The following CTNND2 variants were observed in gnomAD, a reference collection of about 807,000 sequenced individuals.
The protein encoded by CTNND2 is catenin delta-2.
Under a neutral mutation model 144.4 loss-of-function variants are expected in CTNND2, and 22 were observed. The observed-to-expected ratio is 0.15, with a 90% CI of 0.11 to 0.22. The LOEUF (loss-of-function observed/expected upper bound fraction) is 0.22. CTNND2 is among the 10% of genes least tolerant of loss of function. The pLI, the probability that CTNND2 is intolerant of heterozygous loss-of-function variation, is 1.00. For missense variants in CTNND2, 1,353 were observed against 1,618.8 expected, an observed-to-expected ratio of 0.84 and a Z score of 2.82; for synonymous variants, 751 against 695.6, an observed-to-expected ratio of 1.08 and a Z score of -1.25.
At chr5:11,765,673 G>A (rs908278569) in intron 1 of CTNND2, among the ~76,000 whole-genome samples, 24 of 152,104 alleles carry the variant, frequency 1.6e-4, no homozygotes, top group Admixed American at 4.6e-4. Flanking sequence ...TCTTGGGGTC[G>A]TCTGTGTATG....
At chr5:11,427,291 T>G (rs1387807873) in intron 3 of CTNND2, among the ~76,000 whole-genome samples, 1 of 149,638 alleles carries the variant, frequency 6.7e-6, no homozygotes, top group African/African-American at 2.5e-5. Context: ...TTTTTTTTTT[T>G]TTTTGAGACA....
chr5:11,144,385 G>T (rs142401140), intron 12 of CTNND2, among the ~76,000 whole-genome samples: 182 of 152,296 alleles, frequency 1.2e-3, no homozygotes, highest in African/African-American at 4.2e-3. Context: ...GGGGAGCTCG[G>T]GAAGGTTTGG....
chr5:11,318,714 TC>T lies in CTNND2; in HGVS notation c.1628+27657del, dbSNP rs538083448. On this transcript the variant is annotated intron_variant, in intron 9 of 21. Coordinates refer to ENST00000304623, the MANE Select transcript of CTNND2 (RefSeq NM_001332.4). ...TCCATTCCTTTTCCCATAGGTAAGA[TC>T]CTTCCTTACAACGATGCCCTCTTTC... Among the ~76,000 whole-genome samples, 220 of 152,224 alleles carry T rather than the reference TC, an allele frequency of 1.4e-3. 2 individuals carry two copies. The highest frequency in any genetic ancestry group is 2.6e-3 in the Non-Finnish European group (180 of 68,020).
At chr5:11,130,239 G>A (rs886126565) in intron 12 of CTNND2, among the ~76,000 whole-genome samples, 5 of 151,344 alleles carry the variant, frequency 3.3e-5, no homozygotes, top group Admixed American at 6.6e-5. Flanking sequence ...CCAAAGCGGT[G>A]GTTGCTAGGT....
At chr5:11,069,288 C>T (rs1580194071) in intron 16 of CTNND2, among the ~76,000 whole-genome samples, 1 of 152,110 alleles carries the variant, frequency 6.6e-6, no homozygotes. Context: ...CAGATTAACA[C>T]AAAGAAGTGT....
intron 2 of CTNND2, among the ~76,000 whole-genome samples, chr5:11,637,328 A>G (rs1482265468): frequency 2.0e-5 from 3 of 152,204 alleles, no homozygotes; most frequent in African/African-American, 7.2e-5. Context: ...TGTCTTGCTA[A>G]GAGCTCCCTT....
intron 3 of CTNND2, among the ~76,000 whole-genome samples, chr5:11,564,372 G>C (rs1418855266): frequency 6.6e-6 from 1 of 152,084 alleles, no homozygotes; most frequent in East Asian, 1.9e-4. Context: ...TTATTTTGTG[G>C]TCAAGTGGCT....
chr5:11,679,097 T>TGAAACGATGCCTATCCAG (rs1784313119), intron 2 of CTNND2, among the ~76,000 whole-genome samples: 1 of 152,054 alleles, frequency 6.6e-6, no homozygotes, highest in African/African-American at 2.4e-5. Context: ...TGGCCCTTCC[T>TGAAACGATGCCTATCCAG]GAAACGATGC....
At chr5:11,061,741 T>TTTAGACAAAA (rs1747006315) in intron 16 of CTNND2, among the ~76,000 whole-genome samples, 4 of 152,080 alleles carry the variant, frequency 2.6e-5, no homozygotes, top group Admixed American at 2.6e-4. Context: ...AAAGTTTTGT[T>TTTAGACAAAA]CTTGTCACCT....
chr5:11,369,479 A>G (rs1757267492), intron 7 of CTNND2, among the ~76,000 whole-genome samples: 1 of 152,204 alleles, frequency 6.6e-6, no homozygotes, highest in Admixed American at 6.5e-5. Context: ...CATTTGGCCA[A>G]CAAAACAATG....
intron 1 of CTNND2, among the ~76,000 whole-genome samples, chr5:11,784,524 T>A (rs931795106): frequency 4.6e-5 from 7 of 152,200 alleles, no homozygotes; most frequent in African/African-American, 1.4e-4. Flanking sequence ...GGGATATCCT[T>A]CCATTGATTA....
chr5:10,979,064 C>T (rs1736885446), intron 21 of CTNND2, among the ~76,000 whole-genome samples: 1 of 152,124 alleles, frequency 6.6e-6, no homozygotes, highest in Non-Finnish European at 1.5e-5. Context: ...GGAGCTGGTT[C>T]CAATGAGGAG....
At chr5:11,583,075 A>T (rs1008546802) in intron 2 of CTNND2, among the ~76,000 whole-genome samples, 3 of 152,248 alleles carry the variant, frequency 2.0e-5, no homozygotes, top group Non-Finnish European at 4.4e-5. Context: ...AATGAATGCA[A>T]ACAGTAAGCT....
intron 1 of CTNND2, among the ~76,000 whole-genome samples, chr5:11,786,901 C>A (rs1790867757): frequency 6.6e-6 from 1 of 152,152 alleles, no homozygotes; most frequent in South Asian, 2.1e-4. Context: ...AGTTGGGGGA[C>A]AGAAGTAAGC....
intron 16 of CTNND2, among the ~76,000 whole-genome samples, chr5:11,074,541 T>TA (rs990537874): frequency 6.6e-6 from 1 of 152,196 alleles, no homozygotes; most frequent in African/African-American, 2.4e-5. Flanking sequence ...AGGGTTTGGT[T>TA]AAAAAGGTAT....
chr5:11,296,310 G>A (rs1450680144), intron 9 of CTNND2, among the ~76,000 whole-genome samples: 3 of 151,874 alleles, frequency 2.0e-5, no homozygotes, highest in Non-Finnish European at 4.4e-5. Flanking sequence ...TTAGAATGGT[G>A]ATCATTAAAA....
At chr5:11,646,629 G>T (rs1052144563) in intron 2 of CTNND2, among the ~76,000 whole-genome samples, 2 of 115,838 alleles carry the variant, frequency 1.7e-5, no homozygotes, top group African/African-American at 8.8e-5. Flanking sequence ...CTATTTCTTA[G>T]GAAATATCAA....
chr5:11,550,070 A>T lies in CTNND2; in HGVS notation c.287+14874T>A, dbSNP rs573412692. Among the ~76,000 whole-genome samples the T allele has an allele frequency of 1.6e-4, 25 of 152,332 alleles. No homozygotes were observed. In the East Asian group the frequency reaches 4.6e-3, roughly 28 times the overall value. On this transcript the variant is annotated intron_variant, in intron 3 of 21. Transcript: ENST00000304623. ...AAGAGAAAGAGCCCACATGTATGGA[A>T]TACTTTCTCAGTGCCTAACACCATG... is the stretch of plus-strand genomic sequence containing the variant.
intron 14 of CTNND2, among the ~76,000 whole-genome samples, chr5:11,100,323 T>G (rs985732786): frequency 1.3e-5 from 2 of 152,142 alleles, no homozygotes; most frequent in African/African-American, 4.8e-5. Context: ...ACAAGGACAC[T>G]CAGTGTGGGA....
Sources: gnomAD v4.1 joint callset for allele counts (sites outside exome capture counted in the v4.1 genomes callset) on GRCh38, gnomAD v4.1.1 for gene constraint, MANE v1.5 for transcripts, NCBI Gene and HGNC (gene_info 2026-07-23, HGNC 2026-07-21) for gene names.